PKHD1L1: variants seen among roughly 807,000 people sequenced by gnomAD.
The protein encoded by PKHD1L1 is fibrocystin-L.
Under a neutral mutation model 462.9 loss-of-function variants are expected in PKHD1L1, and 434 were observed. The observed-to-expected ratio is 0.94, with a 90% confidence interval of 0.87 to 1.02. The LOEUF (loss-of-function observed/expected upper bound fraction) is 1.02. PKHD1L1 is among the 50% of genes least tolerant of loss of function. The pLI, the probability that PKHD1L1 is intolerant of heterozygous loss-of-function variation, is 0.00. For missense variants in PKHD1L1, 5,202 were observed against 5,096.1 expected, an observed-to-expected ratio of 1.02 and a Z score of -0.63; for synonymous variants, 1,781 against 1,750.0, an observed-to-expected ratio of 1.02 and a Z score of -0.44.
At chr8:109,363,314 A>G (rs72684712) in intron 1 of PKHD1L1, among the ~76,000 whole-genome samples, 59 of 152,052 alleles carry the variant, frequency 3.9e-4, no homozygotes, top group African/African-American at 1.4e-3. Context: ...ATGTGCGGGA[A>G]TAAGAACACC....
Position 109,425,034 on chromosome 8 carries a change from T to C in PKHD1L1, c.2698-51T>C, listed in dbSNP as rs1563527185. 6.5e-6 allele frequency: 9 copies of C among 1,377,484 alleles called. No homozygotes were observed. In the South Asian group the frequency reaches 1.4e-4, roughly 21 times the overall value. 85.3% of individuals were successfully genotyped at this position (1,377,484 alleles called of 1,614,324 possible). A position where few individuals can be genotyped will look rare whatever the true frequency, so the allele number is the denominator to read the frequency against. On this transcript the variant is annotated intron_variant, in intron 23 of 77. Coordinates refer to ENST00000378402, the MANE Select transcript of PKHD1L1 (RefSeq NM_177531.6). Reference sequence around the variant, plus strand: ...GTACCATGATGAAATAGAAATCATGTAAGCCATTGTTAAGTTTAATCATTT... The same window carrying C: ...GTACCATGATGAAATAGAAATCATGCAAGCCATTGTTAAGTTTAATCATTT...
chr8:109,402,421 C>G lies in PKHD1L1; in HGVS notation c.1373+833C>G, dbSNP rs537084937. Among the ~76,000 whole-genome samples, 3 of 152,278 alleles carry G rather than the reference C, an allele frequency of 2.0e-5. No homozygotes were observed. In the East Asian group the frequency reaches 5.8e-4, roughly 29 times the overall value. ...CCTCACTCCATGTCTAGAGCCTCAG[C>G]AGGCATGGTTGAGTCTTAGATATTT... On this transcript the variant is annotated intron_variant, in intron 14 of 77. Coordinates refer to ENST00000378402, the MANE Select transcript of PKHD1L1 (RefSeq NM_177531.6).
intron 50 of PKHD1L1, 91 bp from the exon 51 acceptor site, chr8:109,475,027 A>G: frequency 1.6e-6 from 2 of 1,265,054 alleles, no homozygotes; most frequent in South Asian, 1.6e-5. Context: ...AAACCAACCA[A>G]ACTAAACTAA....
chr8:109,464,821 C>G lies in PKHD1L1; in HGVS notation c.7989C>G (p.Val2663=). Residue 2663 remains valine, a synonymous_variant, in exon 49 of 78, where the codon GTC becomes GTG. Coordinates refer to ENST00000378402, the MANE Select transcript of PKHD1L1 (RefSeq NM_177531.6). ...TWNCQKGAEW[V]NGGALQFHNF... ...ATTGTCAAAAAGGAGCTGAATGGGT[C>G]AATGGAGGTGCCCTTCAGTTCCATA... 1 of 1,613,740 alleles carries G rather than the reference C, an allele frequency of 6.2e-7. No homozygotes were observed. The highest frequency in any genetic ancestry group is 8.5e-7 in the Non-Finnish European group (1 of 1,179,800).
chr8:109,513,177 A>G (rs1309268509), intron 71 of PKHD1L1, among the ~76,000 whole-genome samples: 1 of 151,696 alleles, frequency 6.6e-6, no homozygotes, highest in African/African-American at 2.4e-5. Context: ...TCGTAATTGA[A>G]TACCCTTTAT....
chr8:109,404,712 A>G lies in PKHD1L1; in HGVS notation c.1532A>G (p.Gln511Arg). 6.3e-7 allele frequency: 1 copy of G among 1,593,898 alleles called. No homozygotes were observed. Among genetic ancestry groups the G allele is most frequent in the Non-Finnish European group, 8.5e-7 (1 of 1,171,432 alleles). Reference sequence around the variant, plus strand: ...CAGTCGACAATCCTCCAGGAAGTACAGGTTTGCTATGATTGCAGTTCCTCT... The same window carrying G: ...CAGTCGACAATCCTCCAGGAAGTACGGGTTTGCTATGATTGCAGTTCCTCT... ...KSQSTILQEV[Q>R]VITLENWETT... The change falls in exon 15 of 78, where the codon CAG becomes CGG. Residue 511 changes from glutamine (Q) to arginine (R), a missense_variant and splice_region_variant. This residue lies in a region of PKHD1L1 where 4,497 missense variants were observed against 4,336.8 expected (regional missense o/e 1.04). Transcript: ENST00000378402.
intron 48 of PKHD1L1, among the ~76,000 whole-genome samples, chr8:109,463,549 C>T (rs1817253452): frequency 6.6e-6 from 1 of 151,970 alleles, no homozygotes; most frequent in African/African-American, 2.4e-5. Flanking sequence ...ATTATATGCT[C>T]ACATGCATGC....
chr8:109,484,031 G>A (rs2130895996), intron 57 of PKHD1L1, among the ~76,000 whole-genome samples: 1 of 151,902 alleles, frequency 6.6e-6, no homozygotes, highest in Admixed American at 6.6e-5. Flanking sequence ...GTTCCTTTCT[G>A]GTGAGAACAA....
At position 109,498,537 on chromosome 8, in the gene PKHD1L1, C is replaced by G. The variant is rs543487591; in HGVS notation, c.10675C>G (p.Leu3559Val). The change falls in exon 66 of 78, where the codon CTC becomes GTC. Residue 3559 changes from leucine to valine, a missense_variant. By Grantham distance (32) the Leu-to-Val change is conservative (BLOSUM62 1). This residue lies in a region of PKHD1L1 where 4,497 missense variants were observed against 4,336.8 expected (regional missense o/e 1.04). Coordinates refer to ENST00000378402, the MANE Select transcript of PKHD1L1 (RefSeq NM_177531.6). ...AACTAATGATGATCCTAATATTGAACTCACTGCTGCTCATCGGAGTCCTAG... is the reference window on the plus strand; with the variant it reads ...AACTAATGATGATCCTAATATTGAAGTCACTGCTGCTCATCGGAGTCCTAG... ...VLTNDDPNIE[L>V]TAAHRSPRSP... 3.7e-6 allele frequency: 6 copies of G among 1,613,528 alleles called. No homozygotes were observed. The highest frequency in any genetic ancestry group is 8.5e-7 in the Non-Finnish European group (1 of 1,179,570).
intron 71 of PKHD1L1, among the ~76,000 whole-genome samples, 181 bp downstream of exon 71, chr8:109,511,115 C>A (rs556132149): frequency 6.6e-6 from 1 of 152,212 alleles, no homozygotes; most frequent in East Asian, 1.9e-4. Context: ...CCTGAAGGTA[C>A]AAGTACCAAG....
chr8:109,513,076 T>C (rs1820080168), intron 71 of PKHD1L1, among the ~76,000 whole-genome samples: 2 of 151,664 alleles, frequency 1.3e-5, no homozygotes, highest in Admixed American at 1.3e-4. Flanking sequence ...AAGTTGCTTA[T>C]CAGCTTAAGG....
At chr8:109,448,026 T>C in intron 38 of PKHD1L1, 117 bp from the exon 39 acceptor site, 1 of 877,380 alleles carries the variant, frequency 1.1e-6, no homozygotes, top group East Asian at 2.6e-5. Flanking sequence ...TTAATATTTA[T>C]ATTAGTTTTA....
At chr8:109,497,324 G>A in intron 65 of PKHD1L1, 52 bp downstream of exon 65, 1 of 1,571,594 alleles carries the variant, frequency 6.4e-7, no homozygotes. Flanking sequence ...TTGGAGAAGG[G>A]TGGAATTTCT....
chr8:109,445,686 C>T (rs908303685), intron 38 of PKHD1L1, 41 bp downstream of exon 38: 17 of 1,482,018 alleles, frequency 1.1e-5, no homozygotes, highest in African/African-American at 4.2e-5. Context: ...ATTATAGTAT[C>T]GATAATATTT....
At chr8:109,426,358 A>G (rs1338539293) in intron 24 of PKHD1L1, among the ~76,000 whole-genome samples, 5 of 152,066 alleles carry the variant, frequency 3.3e-5, no homozygotes, top group Non-Finnish European at 7.4e-5. Flanking sequence ...ATGAATTGAT[A>G]TGAAAATATC....
chr8:109,516,946 T>C (rs546626924), intron 72 of PKHD1L1, among the ~76,000 whole-genome samples: 1 of 152,226 alleles, frequency 6.6e-6, no homozygotes, highest in East Asian at 1.9e-4. Context: ...TGAGGCTTAT[T>C]AGGAAAAAGA....
intron 42 of PKHD1L1, 41 bp downstream of exon 42, chr8:109,452,321 A>G (rs1816570544): frequency 6.9e-7 from 1 of 1,455,784 alleles, no homozygotes; most frequent in South Asian, 1.6e-5. Flanking sequence ...GCAATAGAAA[A>G]CCAGCATTAT....
At chr8:109,429,590 T>C (rs1006043907) in intron 26 of PKHD1L1, 128 bp downstream of exon 26, 1 of 882,224 alleles carries the variant, frequency 1.1e-6, no homozygotes, top group Admixed American at 3.1e-5. Context: ...TGTCTTAATA[T>C]TGATCAACTT....
In PKHD1L1 at chr8:109,436,450, G is replaced by A; in HGVS notation, c.3618G>A (p.Arg1206=). 1.2e-6 allele frequency: 2 copies of A among 1,612,066 alleles called. No individual in the cohort carries two copies. The highest frequency in any genetic ancestry group is 1.7e-6 in the Non-Finnish European group (2 of 1,179,386). The change falls in exon 30 of 78, where the codon AGG becomes AGA. Residue 1206 remains arginine, a synonymous_variant. Transcript: ENST00000378402. ...GGGATTTGAATAGGATAACCTGCAGGACACCAAAAGTAAGGCCTCTGATTT... is the reference window on the plus strand; with the variant it reads ...GGGATTTGAATAGGATAACCTGCAGAACACCAAAAGTAAGGCCTCTGATTT... ...IEGDLNRITC[R]TPKKTEGTVD...
Sources: gnomAD v4.1 joint callset for allele counts (sites outside exome capture counted in the v4.1 genomes callset) on GRCh38, gnomAD v4.1.1 for gene constraint, gnomAD v4.1.1 regional missense constraint, MANE v1.5 for transcripts, NCBI Gene and HGNC (gene_info 2026-07-23, HGNC 2026-07-21) for gene names.